NVL: variants seen among roughly 807,000 people sequenced by gnomAD.
NVL encodes nuclear valosin-containing protein-like.
In NVL, 84 loss-of-function variants were observed where a neutral mutation model predicts 110.2. That is an observed-to-expected ratio of 0.76 (90% CI 0.64 to 0.91). NVL has a LOEUF of 0.91. NVL is among the 40% of genes least tolerant of loss of function. The pLI is 0.00. For synonymous variants in NVL, 354 were observed against 361.1 expected, an observed-to-expected ratio of 0.98 and a Z score of 0.22; for missense variants, 882 against 1,035.9, an observed-to-expected ratio of 0.85 and a Z score of 2.04.
intron 5 of NVL, among the ~76,000 whole-genome samples, chr1:224,309,755 A>T: frequency 6.6e-6 from 1 of 152,058 alleles, no homozygotes; most frequent in East Asian, 1.9e-4. Context: ...TATGCTGGGC[A>T]TGTTGTCTCA....
chr1:224,299,600 G>A (rs1022800297), intron 10 of NVL, among the ~76,000 whole-genome samples: 11 of 152,104 alleles, frequency 7.2e-5, no homozygotes, highest in South Asian at 2.1e-4. Context: ...CTTATTCATC[G>A]TGTTTACCAT....
At chr1:224,282,852 G>A (rs1666504352) in intron 15 of NVL, among the ~76,000 whole-genome samples, 1 of 152,134 alleles carries the variant, frequency 6.6e-6, no homozygotes, top group Admixed American at 6.5e-5. Flanking sequence ...AAGAAAAATT[G>A]TATTATTTTG....
intron 13 of NVL, among the ~76,000 whole-genome samples, chr1:224,288,775 T>A (rs1667101854): frequency 6.6e-6 from 1 of 152,144 alleles, no homozygotes; most frequent in South Asian, 2.1e-4. Flanking sequence ...GTTACAGGGA[T>A]CAAATTATAT....
At chr1:224,305,830 G>A (rs1018666630) in intron 6 of NVL, among the ~76,000 whole-genome samples, 1 of 152,134 alleles carries the variant, frequency 6.6e-6, no homozygotes, top group South Asian at 2.1e-4. Flanking sequence ...GGCGTGAGCC[G>A]CCCTGCACGG....
intron 18 of NVL, among the ~76,000 whole-genome samples, chr1:224,254,224 C>T (rs1291948797): frequency 6.6e-6 from 1 of 151,812 alleles, no homozygotes; most frequent in East Asian, 1.9e-4. Context: ...TCCTGAGCAG[C>T]TGGGATTACA....
intron 4 of NVL, chr1:224,312,589 G>GC (rs1669627606): frequency 1.3e-5 from 2 of 152,118 alleles, no homozygotes; most frequent in African/African-American, 4.8e-5. Context: ...GGAGGCCGAG[G>GC]TGGGTGGATT....
chr1:224,302,521 G>A (rs911175327), intron 9 of NVL, among the ~76,000 whole-genome samples: 29 of 152,124 alleles, frequency 1.9e-4, no homozygotes, highest in African/African-American at 4.3e-4. Context: ...TTTTCTAATC[G>A]AAGTTACTCG....
At chr1:224,287,506 A>C (rs1351747814) in intron 14 of NVL, among the ~76,000 whole-genome samples, 1 of 152,362 alleles carries the variant, frequency 6.6e-6, no homozygotes, top group Non-Finnish European at 1.5e-5. Context: ...TCATCAATAC[A>C]CATTTAATAT....
rs530048948 is a variant in NVL, at chr1:224,258,677, G to C, written c.2183-8359C>G. Among the ~76,000 whole-genome samples the C allele has an allele frequency of 7.9e-4, 120 of 152,126 alleles. 1 individual carries two copies. The highest frequency in any genetic ancestry group is 2.8e-3 in the African/African-American group (117 of 41,508). Reference sequence around the variant, plus strand: ...CCAACTGGTGAATACACAAAATGTGGTATATCCATACAACGGGATATTATT... The same window carrying C: ...CCAACTGGTGAATACACAAAATGTGCTATATCCATACAACGGGATATTATT... On this transcript the variant is annotated intron_variant, in intron 18 of 22. Coordinates refer to ENST00000281701, the MANE Select transcript of NVL (RefSeq NM_002533.4).
At chr1:224,317,663 T>C in intron 4 of NVL, 31 bp downstream of exon 4, 1 of 1,314,480 alleles carries the variant, frequency 7.6e-7, no homozygotes, top group Non-Finnish European at 1.1e-6. Flanking sequence ...AAGTTCATGG[T>C]TTAAAAAAAC....
At chr1:224,245,522 G>T (rs1426199120) in intron 19 of NVL, among the ~76,000 whole-genome samples, 1 of 152,196 alleles carries the variant, frequency 6.6e-6, no homozygotes, top group Non-Finnish European at 1.5e-5. Flanking sequence ...GAGGTTCCAA[G>T]TCTTAGAATA....
intron 19 of NVL, among the ~76,000 whole-genome samples, chr1:224,241,862 A>AG (rs1661233818): frequency 6.6e-6 from 1 of 150,530 alleles, no homozygotes; most frequent in Non-Finnish European, 1.5e-5. Context: ...GTCTCAAAAA[A>AG]AAAAAAATAA....
intron 18 of NVL, among the ~76,000 whole-genome samples, chr1:224,253,186 A>C (rs1662706013): frequency 6.6e-6 from 1 of 151,444 alleles, no homozygotes; most frequent in South Asian, 2.1e-4. Flanking sequence ...CTGAGATTAC[A>C]AGTGTGCCCC....
chr1:224,274,240 G>A (rs546861796), intron 17 of NVL, among the ~76,000 whole-genome samples: 12 of 150,872 alleles, frequency 8.0e-5, no homozygotes, highest in African/African-American at 2.7e-4. Context: ...GCAGTGAGCC[G>A]AGATCACACC....
At chr1:224,285,371 G>A (rs1450461970) in intron 15 of NVL, among the ~76,000 whole-genome samples, 2 of 152,194 alleles carry the variant, frequency 1.3e-5, no homozygotes, top group Non-Finnish European at 2.9e-5. Flanking sequence ...GGAGGCGGAA[G>A]TTGCAGTGAG....
chr1:224,243,774 G>A (rs1661479656), intron 19 of NVL, among the ~76,000 whole-genome samples: 1 of 149,238 alleles, frequency 6.7e-6, no homozygotes, highest in African/African-American at 2.5e-5. Flanking sequence ...AGATTCTCCT[G>A]CCTTAGTCTC....
chr1:224,298,573 G>A, intron 10 of NVL: 1 of 220,500 alleles, frequency 4.5e-6, no homozygotes, highest in Non-Finnish European at 9.6e-6. Flanking sequence ...AACTGCTGGA[G>A]CCTCTTCCCT....
chr1:224,306,658 G>A (rs1048779146), intron 6 of NVL, among the ~76,000 whole-genome samples: 1 of 152,042 alleles, frequency 6.6e-6, no homozygotes, highest in Admixed American at 6.6e-5. Flanking sequence ...ATGGCCAAAC[G>A]CCATCTCTAC....
intron 20 of NVL, among the ~76,000 whole-genome samples, chr1:224,235,518 G>A (rs1372329529): frequency 6.6e-6 from 1 of 152,010 alleles, no homozygotes; most frequent in Non-Finnish European, 1.5e-5. Context: ...TAGGGGGTGA[G>A]GCACATCCTA....
Sources: gnomAD v4.1 joint callset for allele counts (sites outside exome capture counted in the v4.1 genomes callset) on GRCh38, gnomAD v4.1.1 for gene constraint, MANE v1.5 for transcripts, NCBI Gene and HGNC (gene_info 2026-07-23, HGNC 2026-07-21) for gene names.